Variants in EEF1A2 observed in about 807,000 individuals in gnomAD.
EEF1A2 encodes the protein elongation factor 1-alpha 2.
In EEF1A2, 5 loss-of-function variants were observed where a neutral mutation model predicts 39.3. That is an observed-to-expected ratio of 0.13 (90% CI 0.07 to 0.27). EEF1A2 has a LOEUF of 0.27. EEF1A2 is among the 10% of genes least tolerant of loss of function. EEF1A2 has a pLI of 1.00. For missense variants in EEF1A2, 218 were observed against 681.4 expected (o/e 0.32, Z 7.57); for synonymous variants, 287 against 293.7 (o/e 0.98, Z 0.23).
At chr20:63,491,104 G>A (rs2082376654) in intron 5 of EEF1A2, among the ~76,000 whole-genome samples, 1 of 152,186 alleles carries the variant, frequency 6.6e-6, no homozygotes, top group Non-Finnish European at 1.5e-5. Context: ...GAGGCACTAT[G>A]GGACCCCTCC....
intron 5 of EEF1A2, 140 bp downstream of exon 5, chr20:63,492,997 G>A: frequency 1.7e-6 from 2 of 1,181,638 alleles, no homozygotes; most frequent in East Asian, 2.8e-5. Flanking sequence ...GGATGGATGT[G>A]GGATGGACTG....
At chr20:63,494,764 A>C in intron 4 of EEF1A2, 41 bp downstream of exon 4, 2 of 1,581,432 alleles carry the variant, frequency 1.3e-6, no homozygotes, top group Non-Finnish European at 1.7e-6. Flanking sequence ...CAGGGGGTCC[A>C]GCCAGCTCCC....
At chr20:63,495,269 T>TG (rs2082411696) in intron 3 of EEF1A2, among the ~76,000 whole-genome samples, 168 bp from the exon 4 acceptor site, 1 of 152,142 alleles carries the variant, frequency 6.6e-6, no homozygotes. Context: ...AAGGGCAGCA[T>TG]GGGGGCTCAT....
intron 3 of EEF1A2, 118 bp from the exon 4 acceptor site, chr20:63,495,219 A>G: frequency 7.1e-7 from 1 of 1,407,736 alleles, no homozygotes. Context: ...TGAGCAGCCC[A>G]CTGGGGCCTT....
intron 6 of EEF1A2, 162 bp downstream of exon 6, chr20:63,490,317 G>A (rs903057706): frequency 1.3e-5 from 11 of 845,448 alleles, no homozygotes; most frequent in South Asian, 7.2e-5. Context: ...TGCCCGCCTC[G>A]GCCTCTCAAA....
At chr20:63,491,930 A>G (rs1232529008) in intron 5 of EEF1A2, among the ~76,000 whole-genome samples, 7 of 117,580 alleles carry the variant, frequency 6.0e-5, no homozygotes, top group South Asian at 3.6e-4. Flanking sequence ...AGATGGATGG[A>G]TGGATGGATG....
rs2082423769 is a variant in EEF1A2 at position 63,497,493 on chromosome 20, G to C, written c.144+127C>G. ...TGAGGCCTGAGTGCCCCACAGCGGG[G>C]GTCCCTCCTGCCCTGGAGGAGGTCA... On this transcript the variant is annotated intron_variant, in intron 2 of 7. Coordinates refer to ENST00000217182, the MANE Select transcript of EEF1A2 (RefSeq NM_001958.5). This position sits in a 1 kb window ranked among gnomAD's most constrained non-coding sequence, Gnocchi z 7.3. 7.0e-7 allele frequency: 1 copy of C among 1,434,784 alleles called. No homozygotes were observed. Among genetic ancestry groups the C allele is most frequent in the Non-Finnish European group, 9.3e-7 (1 of 1,072,172 alleles). 88.9% of individuals were successfully genotyped at this position (1,434,784 alleles called of 1,614,324 possible).
intron 5 of EEF1A2, among the ~76,000 whole-genome samples, 170 bp from the exon 6 acceptor site, chr20:63,490,905 G>A (rs1432084686): frequency 1.2e-5 from 1 of 83,894 alleles, no homozygotes; most frequent in Non-Finnish European, 3.2e-5. Context: ...CCAGGGACAA[G>A]GGCAGACACA....
chr20:63,497,457 A>C lies in EEF1A2; in HGVS notation c.144+163T>G. 8.7e-7 allele frequency: 1 copy of C among 1,146,188 alleles called. No homozygotes were observed. The highest frequency in any genetic ancestry group is 1.2e-6 in the Non-Finnish European group (1 of 835,832). 71.0% of individuals were successfully genotyped at this position (1,146,188 alleles called of 1,614,324 possible). On this transcript the variant is annotated intron_variant, in intron 2 of 7. Transcript: ENST00000217182. The surrounding 1 kb of genome is among the most constrained non-coding windows in gnomAD (Gnocchi z 7.3). ...CTCCCCCTAAGAGAGAGGCTGCCCC[A>C]CCAGACCCTCTGAGGCCTGAGTGCC...
chr20:63,491,913 G>GAT (rs758228067), intron 5 of EEF1A2, among the ~76,000 whole-genome samples: 140 of 139,844 alleles, frequency 1.0e-3, no homozygotes, highest in Non-Finnish European at 1.0e-3. Context: ...TGGATGGATG[G>GAT]GGGGATAGAT....
chr20:63,496,223 C>G lies in EEF1A2; in HGVS notation c.145-188G>C, dbSNP rs1159859299. On this transcript the variant is annotated intron_variant, in intron 2 of 7. Transcript: ENST00000217182. ...GGACCCCACACCCAGACCCTGCCCC[C>G]CAGGGCCGGCCTCCGCACCTGCTCC... is the stretch of plus-strand genomic sequence containing the variant. 1.0e-5 allele frequency: 7 copies of G among 669,988 alleles called. No homozygotes were observed. The African/African-American group carries it at 1.3e-4, about 12-fold the overall frequency. 41.5% of individuals were successfully genotyped at this position (669,988 alleles called of 1,614,324 possible). A position where few individuals can be genotyped will look rare whatever the true frequency, so the allele number is the denominator to read the frequency against.
chr20:63,488,862 C>T, intron 7 of EEF1A2, 56 bp downstream of exon 7: 4 of 1,580,610 alleles, frequency 2.5e-6, no homozygotes, highest in Non-Finnish European at 3.4e-6. Context: ...CCTCTGCCCT[C>T]AGCCTGGATC....
rs906329984 is a variant in EEF1A2, at chr20:63,498,078, G to A, written c.-71-244C>T. 8 of 263,230 alleles carry A rather than the reference G, an allele frequency of 3.0e-5. No individual in the cohort carries two copies. Among genetic ancestry groups the A allele is most frequent in the South Asian group, 2.4e-4 (3 of 12,610 alleles). 16.3% of individuals were successfully genotyped at this position (263,230 alleles called of 1,614,324 possible). A position where few individuals can be genotyped will look rare whatever the true frequency, so the allele number is the denominator to read the frequency against. The stretch of plus-strand genomic sequence containing the variant: ...ATCTGCTGTAAATAACTGGGCGTTG[G>A]AGCCCGCGGGCTGCTCCTTGGGAAG... On this transcript the variant is annotated intron_variant, in intron 1 of 7. Transcript: ENST00000217182. The surrounding 1 kb of genome is among the most constrained non-coding windows in gnomAD (Gnocchi z 4.1).
At position 63,497,779 on chromosome 20, in the gene EEF1A2, A is replaced by G; in HGVS notation, c.-16T>C. The G allele has an allele frequency of 6.2e-7, 1 of 1,608,488 alleles. No individual in the cohort carries two copies. Among genetic ancestry groups the G allele is most frequent in the Non-Finnish European group, 8.5e-7 (1 of 1,177,406 alleles). The stretch of plus-strand genomic sequence containing the variant: ...CCTTGCCCATTTTGCTGGGAGTGTG[A>G]GGGGCTGGCGGGACCCGGGGTGCTC... On this transcript the variant is annotated 5_prime_UTR_variant, in exon 2 of 8. Transcript: ENST00000217182. This position sits in a 1 kb window ranked among gnomAD's most constrained non-coding sequence, Gnocchi z 7.3.
rs1453471749 is a variant in EEF1A2 at position 63,488,349 on chromosome 20, G to A, written c.1341C>T (p.Gly447=). The change falls in exon 8 of 8, where the codon GGC becomes GGT. Residue 447 remains glycine, a synonymous_variant. Coordinates refer to ENST00000217182, the MANE Select transcript of EEF1A2 (RefSeq NM_001958.5). ...GCGCCGACTTGGTGACCTTGCCGGCGCCGCCGCTCTTCTTCTCCACGTTCT... is the reference window on the plus strand; with the variant it reads ...GCGCCGACTTGGTGACCTTGCCGGCACCGCCGCTCTTCTTCTCCACGTTCT... The part of the protein sequence containing the change: ...VIKNVEKKSG[G]AGKVTKSAQK... 2.7e-6 allele frequency: 4 copies of A among 1,468,106 alleles called. No individual in the cohort carries two copies. The highest frequency in any genetic ancestry group is 1.5e-5 in the African/African-American group (1 of 67,910). 90.9% of individuals were successfully genotyped at this position (1,468,106 alleles called of 1,614,324 possible).
At chr20:63,496,057 G>A in intron 2 of EEF1A2, 22 bp from the exon 3 acceptor site, 1 of 1,611,318 alleles carries the variant, frequency 6.2e-7, no homozygotes, top group Non-Finnish European at 8.5e-7. Flanking sequence ...GAGGGTCACG[G>A]CTGAGGGCGG....
chr20:63,489,719 G>T (rs1207498914), intron 6 of EEF1A2, among the ~76,000 whole-genome samples: 4 of 152,056 alleles, frequency 2.6e-5, no homozygotes, highest in African/African-American at 9.7e-5. Context: ...GGAGGCGGAG[G>T]TTGCAGTGAG....
At chr20:63,489,239 C>T (rs992603043) in intron 6 of EEF1A2, 87 bp from the exon 7 acceptor site, 53 of 1,366,336 alleles carry the variant, frequency 3.9e-5, no homozygotes, top group South Asian at 1.3e-4. Context: ...GCCCAGTCAC[C>T]GGCGCCCCTG....
At chr20:63,491,912 GGGGGGATA>G (rs1472701219) in intron 5 of EEF1A2, among the ~76,000 whole-genome samples, 16 of 138,530 alleles carry the variant, frequency 1.2e-4, no homozygotes, top group South Asian at 2.5e-4. Flanking sequence ...ATGGATGGAT[GGGGGGATA>G]GATGGATGGA....
Sources: allele counts gnomAD v4.1 joint callset (sites outside exome capture counted in the v4.1 genomes callset), GRCh38; gene constraint gnomAD v4.1.1; non-coding constraint Gnocchi (gnomAD v3.1); transcripts MANE v1.5; gene names NCBI Gene and HGNC (gene_info 2026-07-23, HGNC 2026-07-21).